Variants in SEC14L4 observed in about 807,000 individuals in gnomAD.
SEC14L4 encodes SEC14-like protein 4.
A neutral mutation model predicts 55.1 loss-of-function variants in SEC14L4; 42 were observed. That is an observed-to-expected ratio of 0.76 (90% CI 0.60 to 0.99). The LOEUF (loss-of-function observed/expected upper bound fraction) is 0.99, where lower values mean the gene tolerates loss of function less well. Ranked by LOEUF, SEC14L4 falls within the 50% of genes least tolerant of loss-of-function variation. The pLI is 0.00. For synonymous variants in SEC14L4, 206 were observed against 206.8 expected, an observed-to-expected ratio of 1.00 and a Z score of 0.03; for missense variants, 445 against 512.1, an observed-to-expected ratio of 0.87 and a Z score of 1.27.
At chr22:30,492,796 G>T (rs2146169064) in intron 7 of SEC14L4, 1 of 463,436 alleles carries the variant, frequency 2.2e-6, no homozygotes, top group African/African-American at 2.0e-5. Context: ...ATAAATGGTT[G>T]TCTCAGGCCA....
chr22:30,505,175 G>C (rs942111117), intron 1 of SEC14L4, among the ~76,000 whole-genome samples: 2 of 148,444 alleles, frequency 1.3e-5, no homozygotes, highest in Non-Finnish European at 3.0e-5. Flanking sequence ...TGGGCCCTAA[G>C]AACAAATCAC....
At chr22:30,501,878 T>TATATATAC (rs1252400924) in intron 2 of SEC14L4, among the ~76,000 whole-genome samples, 1 of 139,678 alleles carries the variant, frequency 7.2e-6, no homozygotes, top group Non-Finnish European at 1.6e-5. Flanking sequence ...TATATATACA[T>TATATATAC]ACACATACTT....
Position 30,495,909 on chromosome 22 carries a change from A to G in SEC14L4, c.174+19T>C. 6.2e-7 allele frequency: 1 copy of G among 1,613,232 alleles called. No individual in the cohort carries two copies. Among genetic ancestry groups the G allele is most frequent in the Non-Finnish European group, 8.5e-7 (1 of 1,179,340 alleles). On this transcript the variant is annotated intron_variant, in intron 3 of 11. Coordinates refer to ENST00000255858, the MANE Select transcript of SEC14L4 (RefSeq NM_174977.4). ...CACAGTGCATGGAAGGCAGGGCAGT[A>G]GGGATCACAGATCCTTACCCTTCGG...
At position 30,495,459 on chromosome 22, in the gene SEC14L4, G is replaced by A. The variant is rs1235072367; in HGVS notation, c.235-17C>T. ...CTGGATGACCTGGAAGTGTGGGTAA[G>A]GTCCCGACTCAATCCAGCTCACCAG... On this transcript the variant is annotated splice_polypyrimidine_tract_variant and intron_variant, in intron 4 of 11. Coordinates refer to ENST00000255858, the MANE Select transcript of SEC14L4 (RefSeq NM_174977.4). The A allele has an allele frequency of 4.3e-5, 70 of 1,612,026 alleles. No individual in the cohort carries two copies. Among genetic ancestry groups the A allele is most frequent in the Non-Finnish European group, 5.9e-5 (70 of 1,178,702 alleles).
At chr22:30,495,517 T>G in intron 4 of SEC14L4, 66 bp downstream of exon 4, 2 of 1,606,836 alleles carry the variant, frequency 1.2e-6, no homozygotes, top group Non-Finnish European at 1.7e-6. Flanking sequence ...TGGCTGGACG[T>G]GGTAGGTGGG....
rs765938609 is a variant in SEC14L4 at position 30,495,639 on chromosome 22, T to C, written c.178A>G (p.Met60Val). Reference protein sequence around the residue: ...QKSEDMLRRHMEFRKQQDLDN... With the variant: ...QKSEDMLRRHVEFRKQQDLDN... ...AGGTCTTGTTGCTTCCGGAACTCCA[T>C]GTGCTGCAGGAACACAGCAGGAGCT... The change falls in exon 4 of 12, where the codon ATG (methionine) becomes GTG (valine). Residue 60 changes from methionine (M) to valine (V), a missense_variant. Coordinates refer to ENST00000255858, the MANE Select transcript of SEC14L4 (RefSeq NM_174977.4). 14 of 1,613,918 alleles carry C rather than the reference T, an allele frequency of 8.7e-6. No homozygotes were observed. In the East Asian group the frequency reaches 2.9e-4, roughly 33 times the overall value.
chr22:30,494,044 TC>T lies in SEC14L4; in HGVS notation c.580+105del, dbSNP rs1397248710. The stretch of plus-strand genomic sequence containing the variant: ...AGAAACCAACCACACAAAACCTGGT[TC>T]TTCACAAAGGATGGGTGAAGAAGCC... On this transcript the variant is annotated intron_variant, in intron 7 of 11. Transcript: ENST00000255858. 3 of 837,170 alleles carry T rather than the reference TC, an allele frequency of 3.6e-6. No homozygotes were observed. In the African/African-American group the frequency reaches 5.1e-5, roughly 14 times the overall value. The allele number at this position is 837,170 out of a possible 1,614,324, so 51.9% of individuals were successfully genotyped here.
intron 3 of SEC14L4, 83 bp downstream of exon 3, chr22:30,495,844 AG>A: frequency 1.3e-6 from 2 of 1,589,784 alleles, no homozygotes; most frequent in Non-Finnish European, 1.7e-6. Flanking sequence ...AGAATGGGAC[AG>A]GGCCAGAGTC....
At chr22:30,492,424 A>T in intron 8 of SEC14L4, 50 bp downstream of exon 8, 1 of 1,492,316 alleles carries the variant, frequency 6.7e-7, no homozygotes, top group Non-Finnish European at 9.4e-7. Context: ...TTTAGCATTG[A>T]CCTCTGCTTC....
intron 7 of SEC14L4, among the ~76,000 whole-genome samples, 164 bp downstream of exon 7, chr22:30,493,986 A>G (rs1375014169): frequency 6.6e-6 from 1 of 152,144 alleles, no homozygotes; most frequent in Non-Finnish European, 1.5e-5. Context: ...CCTGGGTGAC[A>G]GAGGGAGACT....
At chr22:30,497,918 C>G (rs1936201795) in intron 2 of SEC14L4, among the ~76,000 whole-genome samples, 1 of 152,052 alleles carries the variant, frequency 6.6e-6, no homozygotes, top group Non-Finnish European at 1.5e-5. Context: ...AGAAACGTGG[C>G]AAGTGTGATT....
chr22:30,495,746 G>A, intron 3 of SEC14L4, 104 bp from the exon 4 acceptor site: 1 of 1,608,390 alleles, frequency 6.2e-7, no homozygotes, highest in African/African-American at 1.3e-5. Flanking sequence ...GCATACCCAG[G>A]CTCTCAGAGC....
rs918713849 is a variant in SEC14L4, at chr22:30,488,979, T to C, written c.*1128A>G. ...TGGCACTGGCTTTAGGAGTTTAATC[T>C]AGATGGTTTGCTGTTTCTAGCAGCA... is the stretch of plus-strand genomic sequence containing the variant. On this transcript the variant is annotated 3_prime_UTR_variant, in exon 12 of 12. Transcript: ENST00000255858. The C allele has an allele frequency of 4.6e-5, 7 of 150,860 alleles. No individual in the cohort carries two copies. The highest frequency in any genetic ancestry group is 1.7e-4 in the African/African-American group (7 of 40,872). The allele number at this position is 150,860 out of a possible 1,614,324, so 9.3% of individuals were successfully genotyped here.
chr22:30,493,152 G>C (rs8137267), intron 7 of SEC14L4, among the ~76,000 whole-genome samples: 28,574 of 151,390 alleles, frequency 0.19, 2,971 homozygotes, highest in Admixed American at 0.25. Context: ...CCAGTTGTAA[G>C]GGATTGGGCA....
intron 3 of SEC14L4, 114 bp downstream of exon 3, chr22:30,495,814 A>G: frequency 6.3e-7 from 1 of 1,590,698 alleles, no homozygotes. Context: ...AGATCGGGGG[A>G]GGAAGAAAGA....
Position 30,503,679 on chromosome 22 carries a change from C to G in SEC14L4, c.128G>C (p.Arg43Pro). 1 of 1,610,026 alleles carries G rather than the reference C, an allele frequency of 6.2e-7. No homozygotes were observed. The highest frequency in any genetic ancestry group is 2.2e-5 in the East Asian group (1 of 44,764). The change falls in exon 2 of 12, where the codon CGA (arginine) becomes CCA (proline). Residue 43 changes from arginine (R) to proline (P), a missense_variant and splice_region_variant. Physicochemically the swap from Arg to Pro is moderately radical, Grantham distance 103. Transcript: ENST00000255858. ...CCCCTGACCCCTGCAAGCCTCACCT[C>G]GCAGCCAGCGCAGGAGGAAGTAGTC... ...ADDYFLLRWL[R>P]ARNFDLQKSE...
intron 5 of SEC14L4, 38 bp from the exon 6 acceptor site, chr22:30,494,999 C>A (rs751667809): frequency 1.3e-6 from 2 of 1,567,142 alleles, no homozygotes; most frequent in Middle Eastern, 3.4e-4. Context: ...GACGACAGCT[C>A]CAGCCAGGAG....
Position 30,495,081 on chromosome 22 carries a change from T to C in SEC14L4, c.424-120A>G, listed in dbSNP as rs1936094715. On this transcript the variant is annotated intron_variant, in intron 5 of 11. Coordinates refer to ENST00000255858, the MANE Select transcript of SEC14L4 (RefSeq NM_174977.4). Reference sequence around the variant, plus strand: ...CCCACCCTCTGGCAGCCCACAGCGTTTTCCAGACAGATGGACAACACCTCA... The same window carrying C: ...CCCACCCTCTGGCAGCCCACAGCGTCTTCCAGACAGATGGACAACACCTCA... 4.8e-6 allele frequency: 5 copies of C among 1,041,720 alleles called. No individual in the cohort carries two copies. In the South Asian group the frequency reaches 7.4e-5, roughly 16 times the overall value. 64.5% of individuals were successfully genotyped at this position (1,041,720 alleles called of 1,614,324 possible).
intron 11 of SEC14L4, chr22:30,491,358 C>T: frequency 1.6e-6 from 1 of 608,564 alleles, no homozygotes; most frequent in South Asian, 2.1e-5. Flanking sequence ...AGGAGCTGAG[C>T]CCAAGGCCCT....
Sources: gnomAD v4.1 joint callset for allele counts (sites outside exome capture counted in the v4.1 genomes callset) on GRCh38, gnomAD v4.1.1 for gene constraint, MANE v1.5 for transcripts, NCBI Gene and HGNC (gene_info 2026-07-23, HGNC 2026-07-21) for gene names.